The following OPN3 variants were observed in gnomAD, a reference collection of about 807,000 sequenced individuals.
OPN3 encodes opsin 3.
Under a neutral mutation model 33.8 loss-of-function variants are expected in OPN3, and 29 were observed. The observed-to-expected ratio is 0.86, with a 90% confidence interval of 0.64 to 1.17. The LOEUF (loss-of-function observed/expected upper bound fraction) is 1.17, where lower values mean the gene tolerates loss of function less well. Ranked by LOEUF, OPN3 falls within the 50% of genes most tolerant of loss-of-function variation. OPN3 has a pLI of 0.00. For synonymous variants in OPN3, 216 were observed against 216.1 expected, an observed-to-expected ratio of 1.00 and a Z score of 0.00; for missense variants, 437 against 514.1, an observed-to-expected ratio of 0.85 and a Z score of 1.45.
chr1:241,625,343 T>C (rs1331110445), intron 1 of OPN3, among the ~76,000 whole-genome samples: 2 of 152,186 alleles, frequency 1.3e-5, no homozygotes, highest in East Asian at 3.9e-4. Flanking sequence ...ATGTGTAATT[T>C]GATTAATTTG....
intron 1 of OPN3, among the ~76,000 whole-genome samples, chr1:241,622,355 T>C (rs1222798852): frequency 6.6e-6 from 1 of 152,216 alleles, no homozygotes; most frequent in Non-Finnish European, 1.5e-5. Flanking sequence ...ATATAATTGT[T>C]AGGTAAGAAG....
At chr1:241,595,643 C>A (rs1420999056) in intron 3 of OPN3, 1 of 152,148 alleles carries the variant, frequency 6.6e-6, no homozygotes, top group Non-Finnish European at 1.5e-5. Flanking sequence ...TAAATAGCTA[C>A]ATTGATTTCT....
At chr1:241,622,016 T>C (rs1208662927) in intron 1 of OPN3, among the ~76,000 whole-genome samples, 1 of 152,212 alleles carries the variant, frequency 6.6e-6, no homozygotes, top group East Asian at 1.9e-4. Flanking sequence ...TTTCTTTCAA[T>C]GTTTCACTCT....
chr1:241,634,546 T>C (rs1223232442), intron 1 of OPN3: 5 of 1,613,856 alleles, frequency 3.1e-6, no homozygotes, highest in Non-Finnish European at 4.2e-6. Flanking sequence ...CTACAAAGCA[T>C]TGTACTTTAT....
chr1:241,637,706 T>A (rs966185295), intron 1 of OPN3, among the ~76,000 whole-genome samples: 2 of 152,120 alleles, frequency 1.3e-5, no homozygotes, highest in Admixed American at 1.3e-4. Context: ...TACAGAGCAT[T>A]AAGCTGAATT....
intron 3 of OPN3, among the ~76,000 whole-genome samples, chr1:241,597,014 G>A (rs1053914112): frequency 3.3e-5 from 5 of 151,356 alleles, no homozygotes; most frequent in African/African-American, 1.2e-4. Flanking sequence ...TTTTTTGAGA[G>A]AGCGGGGCAT....
intron 1 of OPN3, among the ~76,000 whole-genome samples, chr1:241,613,777 T>G (rs926896367): frequency 6.6e-6 from 1 of 152,188 alleles, no homozygotes; most frequent in Non-Finnish European, 1.5e-5. Flanking sequence ...TATTAAATTT[T>G]CATGTTCAGT....
At chr1:241,632,612 G>GT (rs781144873) in intron 1 of OPN3, 25 of 152,054 alleles carry the variant, frequency 1.6e-4, no homozygotes, top group Non-Finnish European at 3.5e-4. Context: ...GAGAAAAAAA[G>GT]TTTCTATACT....
intron 1 of OPN3, among the ~76,000 whole-genome samples, chr1:241,624,792 C>T (rs1664368590): frequency 6.6e-6 from 1 of 152,210 alleles, no homozygotes; most frequent in South Asian, 2.1e-4. Flanking sequence ...TCACATCTCA[C>T]TATAGCATGT....
intron 1 of OPN3, among the ~76,000 whole-genome samples, chr1:241,621,596 G>T (rs1253020568): frequency 6.6e-6 from 1 of 152,048 alleles, no homozygotes; most frequent in Admixed American, 6.6e-5. Context: ...GGTATACCTG[G>T]TGTTAAGGAA....
At chr1:241,627,529 A>G (rs1028538672) in intron 1 of OPN3, among the ~76,000 whole-genome samples, 5 of 152,218 alleles carry the variant, frequency 3.3e-5, no homozygotes, top group Admixed American at 2.0e-4. Flanking sequence ...TGAGGATCAC[A>G]TAAGAAAATG....
In OPN3 at chr1:241,633,827, A is replaced by G. The variant is rs1325107520; in HGVS notation, c.373+6055T>C. On this transcript the variant is annotated intron_variant, in intron 1 of 3. Coordinates refer to ENST00000366554, the MANE Select transcript of OPN3 (RefSeq NM_014322.3). ...TTGAAGGTGCTTCTCTGGGCTTTCT[A>G]GGTTTTTGCTTTCCTCAGAGGATTC... is the stretch of plus-strand genomic sequence containing the variant. 3 of 1,613,790 alleles carry G rather than the reference A, an allele frequency of 1.9e-6. No individual in the cohort carries two copies. In the East Asian group the frequency reaches 6.7e-5, roughly 36 times the overall value.
intron 1 of OPN3, chr1:241,634,191 C>A: frequency 1.9e-6 from 3 of 1,613,956 alleles, no homozygotes; most frequent in Non-Finnish European, 1.7e-6. Flanking sequence ...AATTTCTTCA[C>A]CACTGATTCT....
intron 1 of OPN3, chr1:241,634,020 C>T: frequency 6.2e-7 from 1 of 1,613,776 alleles, no homozygotes; most frequent in Non-Finnish European, 8.5e-7. Flanking sequence ...TTTCCCAGGC[C>T]ACAGTCAGGC....
intron 1 of OPN3, chr1:241,634,100 A>G (rs11545708): frequency 6.2e-7 from 1 of 1,610,748 alleles, no homozygotes; most frequent in South Asian, 1.1e-5. Context: ...GGAATCTCTC[A>G]TATTAAAATA....
intron 1 of OPN3, chr1:241,634,120 C>T (rs774254644): frequency 1.2e-6 from 2 of 1,612,348 alleles, no homozygotes; most frequent in Admixed American, 1.7e-5. Flanking sequence ...AAAGAGCCCA[C>T]AAGAGTCTTG....
At chr1:241,622,209 T>C (rs1355417606) in intron 1 of OPN3, among the ~76,000 whole-genome samples, 1 of 152,178 alleles carries the variant, frequency 6.6e-6, no homozygotes, top group Admixed American at 6.5e-5. Flanking sequence ...AAAATAGAGT[T>C]CATTAATATG....
chr1:241,613,055 T>G (rs1357345197), intron 1 of OPN3, among the ~76,000 whole-genome samples: 1 of 152,252 alleles, frequency 6.6e-6, no homozygotes, highest in Admixed American at 6.5e-5. Context: ...AACCAGTACA[T>G]TTAATATGCT....
At chr1:241,629,826 A>G (rs1664552485) in intron 1 of OPN3, 1 of 152,062 alleles carries the variant, frequency 6.6e-6, no homozygotes, top group Non-Finnish European at 1.5e-5. Context: ...TTGGCTTATT[A>G]ATTTCAGTTA....
Sources: allele counts gnomAD v4.1 joint callset (sites outside exome capture counted in the v4.1 genomes callset), GRCh38; gene constraint gnomAD v4.1.1; transcripts MANE v1.5; gene names NCBI Gene and HGNC (gene_info 2026-07-23, HGNC 2026-07-21).